The following ADGRE3 variants were observed in gnomAD, a reference collection of about 807,000 sequenced individuals.
ADGRE3 encodes the protein EGF-like module receptor 3.
Under a neutral mutation model 80.1 loss-of-function variants are expected in ADGRE3, and 88 were observed. That is an observed-to-expected ratio of 1.10 (90% CI 0.93 to 1.31). The LOEUF (loss-of-function observed/expected upper bound fraction) is 1.31. Among genes scored for constraint, ADGRE3 ranks in the 40% most tolerant of loss-of-function variants. The pLI is 0.00. For synonymous variants in ADGRE3, 281 were observed against 294.8 expected (o/e 0.95, Z 0.48); for missense variants, 715 against 776.5 (o/e 0.92, Z 0.94).
At chr19:14,620,007 T>C (rs756360625) in intron 15 of ADGRE3, among the ~76,000 whole-genome samples, 1 of 152,184 alleles carries the variant, frequency 6.6e-6, no homozygotes, top group Non-Finnish European at 1.5e-5. Context: ...CTGGTATTTA[T>C]GGTTCATTCA....
Position 14,636,057 on chromosome 19 carries a change from C to CTTCCTTCCTTCCTTTCCT in ADGRE3, c.1484+2047_1484+2048insAGGAAAGGAAGGAAGGAA, listed in dbSNP as rs1555755759. On this transcript the variant is annotated intron_variant, in intron 11 of 15. Coordinates refer to ENST00000253673, the MANE Select transcript of ADGRE3 (RefSeq NM_032571.5). ...CCTTCCTTCCTTCCTTCCTTCCTTC[C>CTTCCTTCCTTCCTTTCCT]TTCCTTTCCTTTCCTTTCCTTTCCC... is the stretch of plus-strand genomic sequence containing the variant. Among the ~76,000 whole-genome samples, 147 of 63,660 alleles carry CTTCCTTCCTTCCTTTCCT rather than the reference C, an allele frequency of 2.3e-3. 8 individuals carry two copies. Among genetic ancestry groups the CTTCCTTCCTTCCTTTCCT allele is most frequent in the Middle Eastern group, 7.5e-3 (1 of 134 alleles). The allele number at this position is 63,660 out of a possible 152,430, so 41.8% of individuals were successfully genotyped here. A position where few individuals can be genotyped will look rare whatever the true frequency, so the allele number is the denominator to read the frequency against.
At chr19:14,670,284 G>A (rs1226028040) in intron 1 of ADGRE3, among the ~76,000 whole-genome samples, 12 of 152,130 alleles carry the variant, frequency 7.9e-5, no homozygotes, top group African/African-American at 1.7e-4. Flanking sequence ...GAGACCTGAA[G>A]CAAGCTGCTT....
In ADGRE3 at chr19:14,622,109, C is replaced by T; in HGVS notation, c.1921-2638G>A. 1.9e-6 allele frequency: 2 copies of T among 1,053,886 alleles called. 1 individual carries two copies. Among genetic ancestry groups the T allele is most frequent in the Non-Finnish European group, 2.6e-6 (2 of 759,316 alleles). 65.3% of individuals were successfully genotyped at this position (1,053,886 alleles called of 1,614,324 possible). On this transcript the variant is annotated intron_variant, in intron 15 of 15. Coordinates refer to ENST00000253673, the MANE Select transcript of ADGRE3 (RefSeq NM_032571.5). Reference sequence around the variant, plus strand: ...CTGAACACATTCTTTATGCTCAGCACAGACACCAAGGCAGGTCTGACACAT... The same window carrying T: ...CTGAACACATTCTTTATGCTCAGCATAGACACCAAGGCAGGTCTGACACAT...
rs1390948849 is a variant in ADGRE3 at position 14,662,093 on chromosome 19, A to G, written c.225T>C (p.Tyr75=). 5.0e-6 allele frequency: 8 copies of G among 1,613,998 alleles called. No individual in the cohort carries two copies. The highest frequency in any genetic ancestry group is 5.9e-6 in the Non-Finnish European group (7 of 1,180,000). Residue 75 remains tyrosine (Y), a synonymous_variant, in exon 4 of 16, where the codon TAT becomes TAC. Transcript: ENST00000253673. ...CAGCGTTAAATCCACAATATACACTATAGGGTGGTGTACATTCATTAATGT... is the reference window on the plus strand; with the variant it reads ...CAGCGTTAAATCCACAATATACACTGTAGGGTGGTGTACATTCATTAATGT... ...CNDINECTPP[Y]SVYCGFNAVC...
chr19:14,636,137 T>TTCCTTCCTTCCTTCCTTCCTTC (rs1555755831), intron 11 of ADGRE3, among the ~76,000 whole-genome samples: 5 of 31,360 alleles, frequency 1.6e-4, no homozygotes, highest in Non-Finnish European at 3.4e-4. Flanking sequence ...TTTCTTTCTT[T>TTCCTTCCTTCCTTCCTTCCTTC]CTTTCTTTCT....
At chr19:14,664,155 T>C (rs371862218) in intron 2 of ADGRE3, among the ~76,000 whole-genome samples, 3 of 151,936 alleles carry the variant, frequency 2.0e-5, no homozygotes, top group Non-Finnish European at 4.4e-5. Flanking sequence ...ATACAAAAAT[T>C]AGCCGGGTGT....
chr19:14,638,208 T>C lies in ADGRE3; in HGVS notation c.1381A>G (p.Arg461Gly), dbSNP rs771976175. 6.2e-7 allele frequency: 1 copy of C among 1,614,102 alleles called. No individual in the cohort carries two copies. The highest frequency in any genetic ancestry group is 8.5e-7 in the Non-Finnish European group (1 of 1,180,002). The change falls in exon 11 of 16, where the codon AGA becomes GGA. Residue 461 changes from arginine (R) to glycine (G), a missense_variant. Coordinates refer to ENST00000253673, the MANE Select transcript of ADGRE3 (RefSeq NM_032571.5). ...GGGAACATGATCCACTTCATGAGTC[T>C]ATTGATGCTTGAGTAGTTGACCACT... ...LTVVNYSSIN[R>G]LMKWIMFPVG...
chr19:14,644,081 T>C, intron 9 of ADGRE3, 27 bp downstream of exon 9: 1 of 1,375,948 alleles, frequency 7.3e-7, no homozygotes, highest in South Asian at 1.9e-5. Context: ...AAGTATTTGC[T>C]GGAAGAATAA....
At chr19:14,618,229 CT>C (rs1170717647), downstream of ADGRE3, among the ~76,000 whole-genome samples, 3 of 152,010 alleles carry the variant, frequency 2.0e-5, no homozygotes, top group East Asian at 1.9e-4. Flanking sequence ...CCTCATATAA[CT>C]TTTTTTTCTT....
rs35923982 is a variant in ADGRE3, at chr19:14,637,559, ATT to A, written c.1484+544_1484+545del. Among the ~76,000 whole-genome samples the A allele has an allele frequency of 3.8e-3, 563 of 146,362 alleles. 5 individuals carry two copies. The highest frequency in any genetic ancestry group is 7.2e-3 in the African/African-American group (285 of 39,748). ...CAGGTGTGAACCACCATGCTTGGCTATTTTTTTTTTTTTTAATCTTTAGTAGA... is the reference window on the plus strand; with the variant it reads ...CAGGTGTGAACCACCATGCTTGGCTATTTTTTTTTTTTAATCTTTAGTAGA... On this transcript the variant is annotated intron_variant, in intron 11 of 15. Transcript: ENST00000253673.
intron 8 of ADGRE3, among the ~76,000 whole-genome samples, chr19:14,645,528 A>T (rs141822917): frequency 1.3e-5 from 2 of 152,066 alleles, no homozygotes; most frequent in Non-Finnish European, 2.9e-5. Context: ...GTGTGGTGGC[A>T]CTTGCTCGTA....
intron 11 of ADGRE3, among the ~76,000 whole-genome samples, chr19:14,635,849 A>G (rs1429833547): frequency 6.6e-6 from 1 of 152,158 alleles, no homozygotes; most frequent in Admixed American, 6.5e-5. Context: ...CTGAATGTGT[A>G]TGACTCTGTT....
At chr19:14,624,580 C>T (rs892977351) in intron 15 of ADGRE3, among the ~76,000 whole-genome samples, 1 of 151,490 alleles carries the variant, frequency 6.6e-6, no homozygotes, top group East Asian at 1.9e-4. Flanking sequence ...CATAGGGAGA[C>T]TCCATCTCTC....
At chr19:14,646,000 C>A (rs1019820503) in intron 8 of ADGRE3, among the ~76,000 whole-genome samples, 2 of 152,158 alleles carry the variant, frequency 1.3e-5, no homozygotes, top group Non-Finnish European at 2.9e-5. Flanking sequence ...GATCAATTAA[C>A]TTTAATAATA....
chr19:14,622,126 C>T lies in ADGRE3; in HGVS notation c.1921-2655G>A, dbSNP rs1970618844. 3.8e-6 allele frequency: 4 copies of T among 1,053,288 alleles called. 2 individuals carry two copies. The Admixed American group carries it at 9.9e-5, about 26-fold the overall frequency. The allele number at this position is 1,053,288 out of a possible 1,614,324, so 65.2% of individuals were successfully genotyped here. On this transcript the variant is annotated intron_variant, in intron 15 of 15. Coordinates refer to ENST00000253673, the MANE Select transcript of ADGRE3 (RefSeq NM_032571.5). ...GCTCAGCACAGACACCAAGGCAGGT[C>T]TGACACATCTCACACGTTTGCCCTT...
At chr19:14,639,264 C>T (rs1971182749) in intron 10 of ADGRE3, among the ~76,000 whole-genome samples, 1 of 152,086 alleles carries the variant, frequency 6.6e-6, no homozygotes, top group African/African-American at 2.4e-5. Flanking sequence ...TGTTTATTAT[C>T]CTGGTTTGGT....
the ADGRE3 span, chr19:14,607,138 C>A: frequency 9.7e-7 from 1 of 1,030,422 alleles, no homozygotes; most frequent in South Asian, 3.2e-5. Flanking sequence ...TCTCTGCTTC[C>A]TCTGTGGGCC....
At position 14,623,295 on chromosome 19, in the gene ADGRE3, A is replaced by AAAAAAT. The variant is rs1212853966; in HGVS notation, c.1920+2196_1920+2197insATTTTT. ...TATGCCTAAAATACTTAAAAAAAAA[A>AAAAAAT]AAATAAAAAAAAAAAAAAATAAAAC... On this transcript the variant is annotated intron_variant, in intron 15 of 15. Transcript: ENST00000253673. 1.3e-4 allele frequency among the ~76,000 whole-genome samples: 3 copies of AAAAAAT among 22,382 alleles called. 1 individual carries two copies. Among genetic ancestry groups the AAAAAAT allele is most frequent in the African/African-American group, 5.1e-4 (3 of 5,920 alleles). 14.7% of individuals were successfully genotyped at this position (22,382 alleles called of 152,430 possible). A position where few individuals can be genotyped will look rare whatever the true frequency, so the allele number is the denominator to read the frequency against.
chr19:14,650,638 TCTCTCTCTCTCTCTCTCTCTC>T lies in ADGRE3; in HGVS notation c.697+426_697+446del, dbSNP rs1971573617. Among the ~76,000 whole-genome samples, 22 of 86,520 alleles carry T rather than the reference TCTCTCTCTCTCTCTCTCTCTC, an allele frequency of 2.5e-4. 1 individual carries two copies. The highest frequency in any genetic ancestry group is 1.4e-3 in the East Asian group (5 of 3,522). The allele number at this position is 86,520 out of a possible 152,430, so 56.8% of individuals were successfully genotyped here. A position where few individuals can be genotyped will look rare whatever the true frequency, so the allele number is the denominator to read the frequency against. On this transcript the variant is annotated intron_variant, in intron 7 of 15. Transcript: ENST00000253673. ...CTTGCTCTCTGTCTCCATCTCTCTC[TCTCTCTCTCTCTCTCTCTCTC>T]TCTCTCTCTCTCTCTCTCTCTCTCC...
Sources: allele counts gnomAD v4.1 joint callset (sites outside exome capture counted in the v4.1 genomes callset), GRCh38; gene constraint gnomAD v4.1.1; transcripts MANE v1.5; gene names NCBI Gene and HGNC (gene_info 2026-07-23, HGNC 2026-07-21).